The following VTA1 variants were observed in gnomAD, a reference collection of about 807,000 sequenced individuals.
VTA1 encodes vesicle trafficking 1.
VTA1 carries 24 observed loss-of-function variants against 36.9 expected under a neutral mutation model. That is an observed-to-expected ratio of 0.65 (90% confidence interval 0.47 to 0.91). The LOEUF (loss-of-function observed/expected upper bound fraction) is 0.91, where lower values mean the gene tolerates loss of function less well. Among genes scored for constraint, VTA1 ranks in the 40% least tolerant of loss-of-function variants. The probability of loss-of-function intolerance (pLI) is 0.00; values close to 1 mark genes in which losing one functional copy is unlikely to be tolerated. For synonymous variants in VTA1, 142 were observed against 130.2 expected (o/e 1.09, Z -0.62); for missense variants, 393 against 377.2 (o/e 1.04, Z -0.35).
intron 4 of VTA1, among the ~76,000 whole-genome samples, chr6:142,173,821 A>C (rs1775069729): frequency 6.6e-6 from 1 of 152,194 alleles, no homozygotes; most frequent in Admixed American, 6.5e-5. Flanking sequence ...GAACATAGTA[A>C]CTAGGGCAAA....
chr6:142,170,777 G>A (rs966732452), intron 4 of VTA1, among the ~76,000 whole-genome samples: 4 of 151,954 alleles, frequency 2.6e-5, no homozygotes, highest in Non-Finnish European at 4.4e-5. Flanking sequence ...GGGACTACAG[G>A]CACAAGGCAC....
intron 7 of VTA1, among the ~76,000 whole-genome samples, chr6:142,213,279 T>C (rs1775937496): frequency 6.6e-6 from 1 of 152,196 alleles, no homozygotes; most frequent in Non-Finnish European, 1.5e-5. Flanking sequence ...TAATCTCCTT[T>C]GACTCCATGT....
intron 7 of VTA1, among the ~76,000 whole-genome samples, chr6:142,209,118 C>T (rs1775850939): frequency 6.6e-6 from 1 of 151,928 alleles, no homozygotes; most frequent in Non-Finnish European, 1.5e-5. Context: ...CTATAAAAAC[C>T]TAAAGACATC....
At chr6:142,202,593 T>TA (rs1775710027) in intron 6 of VTA1, among the ~76,000 whole-genome samples, 1 of 151,904 alleles carries the variant, frequency 6.6e-6, no homozygotes, top group Non-Finnish European at 1.5e-5. Flanking sequence ...ATGCAGAACT[T>TA]ACTACCATTT....
intron 4 of VTA1, among the ~76,000 whole-genome samples, chr6:142,183,584 A>G (rs1023343660): frequency 2.0e-5 from 3 of 152,222 alleles, no homozygotes; most frequent in Admixed American, 1.3e-4. Flanking sequence ...GAGGCCAAGG[A>G]CAAAAGTAAA....
chr6:142,189,326 A>C, intron 4 of VTA1, 100 bp from the exon 5 acceptor site: 1 of 973,518 alleles, frequency 1.0e-6, no homozygotes, highest in Non-Finnish European at 1.5e-6. Context: ...AATCTGCAAA[A>C]ATAGGTTTTA....
At chr6:142,202,777 G>A (rs1043024486) in intron 6 of VTA1, among the ~76,000 whole-genome samples, 10 of 152,044 alleles carry the variant, frequency 6.6e-5, no homozygotes, top group African/African-American at 1.9e-4. Context: ...TTTGGGGTAG[G>A]AGAGGCAGGC....
intron 7 of VTA1, among the ~76,000 whole-genome samples, chr6:142,214,045 T>C (rs1273143993): frequency 6.6e-6 from 1 of 152,202 alleles, no homozygotes; most frequent in East Asian, 1.9e-4. Flanking sequence ...TTCCATACTT[T>C]TATGCTCTGC....
intron 1 of VTA1, among the ~76,000 whole-genome samples, chr6:142,152,435 G>A (rs1778585185): frequency 6.6e-6 from 1 of 151,866 alleles, no homozygotes; most frequent in South Asian, 2.1e-4. Flanking sequence ...GTGTAACATG[G>A]GAAAAACTGG....
In VTA1 at chr6:142,154,171, C is replaced by A. The variant is rs373823275; in HGVS notation, c.112+6772C>A. ...TGCCTTCTCCTTTTCGCTACCTCAC[C>A]CCCATCCCCTGGTAGCCAGTAACTT... is the stretch of plus-strand genomic sequence containing the variant. On this transcript the variant is annotated intron_variant, in intron 1 of 7. Transcript: ENST00000367630. Among the ~76,000 whole-genome samples the A allele has an allele frequency of 5.0e-4, 76 of 152,102 alleles. No homozygotes were observed. In the East Asian group the frequency reaches 0.012, roughly 24 times the overall value.
Position 142,204,041 on chromosome 6 carries a change from G to T in VTA1, c.754G>T (p.Ala252Ser), listed in dbSNP as rs143729861. The T allele has an allele frequency of 1.9e-6, 3 of 1,613,192 alleles. No homozygotes were observed. Among genetic ancestry groups the T allele is most frequent in the East Asian group, 2.2e-5 (1 of 44,820 alleles). ...ACAGACTATACCTGCCATTGATCCC[G>T]CACTTTTCAATACAATTTCCCAGGG... Reference protein sequence around the residue: ...TPQTIPAIDPALFNTISQGDV... With the variant: ...TPQTIPAIDPSLFNTISQGDV... Residue 252 changes from alanine (A) to serine (S), a missense_variant, in exon 7 of 8, where the codon GCA becomes TCA. By Grantham distance (99) the Ala-to-Ser change is moderately conservative (BLOSUM62 1). Transcript: ENST00000367630.
At chr6:142,150,365 A>G (rs1458158439) in intron 1 of VTA1, among the ~76,000 whole-genome samples, 1 of 152,204 alleles carries the variant, frequency 6.6e-6, no homozygotes, top group Non-Finnish European at 1.5e-5. Flanking sequence ...CTTGACTTCC[A>G]TGTTTTCCTT....
chr6:142,195,363 C>A (rs79381356), intron 5 of VTA1, among the ~76,000 whole-genome samples: 1 of 151,830 alleles, frequency 6.6e-6, no homozygotes, highest in East Asian at 1.9e-4. Flanking sequence ...CATTTATTGG[C>A]GTAATATTTT....
At chr6:142,213,792 A>C (rs1213090992) in intron 7 of VTA1, among the ~76,000 whole-genome samples, 1 of 152,156 alleles carries the variant, frequency 6.6e-6, no homozygotes, top group Non-Finnish European at 1.5e-5. Context: ...CCATGTCCCA[A>C]GGCTACACAG....
chr6:142,167,124 C>T (rs1582881439), intron 2 of VTA1, among the ~76,000 whole-genome samples: 1 of 152,274 alleles, frequency 6.6e-6, no homozygotes, highest in East Asian at 1.9e-4. Flanking sequence ...AGGCATCCTT[C>T]CCTCCTAGCA....
intron 6 of VTA1, among the ~76,000 whole-genome samples, chr6:142,199,078 C>T (rs1175288915): frequency 6.6e-6 from 1 of 151,514 alleles, no homozygotes; most frequent in African/African-American, 2.4e-5. Context: ...GGGGAATGGG[C>T]TTTGAGGCAT....
rs556613609 is a variant in VTA1, at chr6:142,184,530, G to C, written c.412-4896G>C. ...CAGCACTTAGCATAGTACCTGACTT[G>C]AGTAAATAATAAATAACTTGACTTA... On this transcript the variant is annotated intron_variant, in intron 4 of 7. Transcript: ENST00000367630. 1.1e-4 allele frequency among the ~76,000 whole-genome samples: 14 copies of C among 125,254 alleles called. No individual in the cohort carries two copies. In the East Asian group the frequency reaches 2.7e-3, roughly 25 times the overall value. The allele number at this position is 125,254 out of a possible 152,430, so 82.2% of individuals were successfully genotyped here.
chr6:142,203,564 A>C (rs979310529), intron 6 of VTA1, among the ~76,000 whole-genome samples: 1 of 152,084 alleles, frequency 6.6e-6, no homozygotes, highest in African/African-American at 2.4e-5. Flanking sequence ...AAATATCTTA[A>C]AATGTGTAAA....
Position 142,219,601 on chromosome 6 carries a change from TTAC to T in VTA1, c.*962_*964del, listed in dbSNP as rs1342382981. 1.3e-5 allele frequency: 2 copies of T among 152,214 alleles called. No individual in the cohort carries two copies. Among genetic ancestry groups the T allele is most frequent in the Non-Finnish European group, 2.9e-5 (2 of 68,020 alleles). The allele number at this position is 152,214 out of a possible 1,614,324, so 9.4% of individuals were successfully genotyped here. A position where few individuals can be genotyped will look rare whatever the true frequency, so the allele number is the denominator to read the frequency against. On this transcript the variant is annotated 3_prime_UTR_variant, in exon 8 of 8. Transcript: ENST00000367630. ...CAAGGATTCGTTTAGCTAATTCAAC[TTAC>T]TACAAAGACAAATGTCTGTTTTTAT...
Sources: allele counts gnomAD v4.1 joint callset (sites outside exome capture counted in the v4.1 genomes callset), GRCh38; gene constraint gnomAD v4.1.1; transcripts MANE v1.5; gene names NCBI Gene and HGNC (gene_info 2026-07-23, HGNC 2026-07-21).